RSPH3: variants seen among roughly 807,000 people sequenced by gnomAD.
RSPH3 encodes radial spoke head protein 3 homolog.
A neutral mutation model predicts 43.8 loss-of-function variants in RSPH3; 21 were observed. That is an observed-to-expected ratio of 0.48 (90% CI 0.34 to 0.69). The LOEUF (loss-of-function observed/expected upper bound fraction) is 0.69, where lower values mean the gene tolerates loss of function less well. Among genes scored for constraint, RSPH3 ranks in the 30% least tolerant of loss-of-function variants. The pLI is 0.01. For synonymous variants in RSPH3, 173 were observed against 179.8 expected (o/e 0.96, Z 0.30); for missense variants, 487 against 516.0 (o/e 0.94, Z 0.54).
At chr6:158,969,218 T>G (rs532128861), downstream of RSPH3, among the ~76,000 whole-genome samples, 2 of 152,320 alleles carry the variant, frequency 1.3e-5, no homozygotes, top group East Asian at 3.9e-4. Context: ...ACAAGTTCTC[T>G]CAGTTTTTGA....
chr6:158,990,759 C>T (rs1451296083), intron 2 of RSPH3, among the ~76,000 whole-genome samples: 1 of 151,952 alleles, frequency 6.6e-6, no homozygotes, highest in African/African-American at 2.4e-5. Flanking sequence ...GGCCTTTTGC[C>T]AAATTTGTGG....
At chr6:158,983,892 G>T in intron 3 of RSPH3, 85 bp from the exon 4 acceptor site, 2 of 946,596 alleles carry the variant, frequency 2.1e-6, no homozygotes, top group Non-Finnish European at 3.3e-6. Context: ...CCAGCACTTT[G>T]GGAGGCCGAG....
chr6:158,970,487 A>G (rs1213645113), downstream of RSPH3, among the ~76,000 whole-genome samples: 1 of 152,048 alleles, frequency 6.6e-6, no homozygotes, highest in African/African-American at 2.4e-5. Context: ...TTTTCTGGGC[A>G]TGCATGCAGT....
chr6:158,973,022 G>A lies in RSPH3; in HGVS notation c.*4516C>T, dbSNP rs1212638338. 1 of 152,052 alleles carries A rather than the reference G, an allele frequency of 6.6e-6. No individual in the cohort carries two copies. The allele number at this position is 152,052 out of a possible 1,614,324, so 9.4% of individuals were successfully genotyped here. A position where few individuals can be genotyped will look rare whatever the true frequency, so the allele number is the denominator to read the frequency against. On this transcript the variant is annotated 3_prime_UTR_variant, in exon 8 of 8. Coordinates refer to ENST00000367069, the MANE Select transcript of RSPH3 (RefSeq NM_031924.8). The stretch of plus-strand genomic sequence containing the variant: ...CACCCCACTTATAACACTCTTTTTT[G>A]GGTCTCTGACTGTGAACAAGATTGT...
chr6:158,993,626 AACTCCCTCCCTG>A (rs1778491581), intron 2 of RSPH3, among the ~76,000 whole-genome samples: 1 of 151,986 alleles, frequency 6.6e-6, no homozygotes. Flanking sequence ...ATTAAACAAT[AACTCCCTCCCTG>A]GTCCCCTCAT....
At position 158,977,561 on chromosome 6, in the gene RSPH3, A is replaced by C; in HGVS notation, c.1234T>G (p.Leu412Val). The change falls in exon 8 of 8, where the codon TTA (leucine) becomes GTA (valine). Residue 412 changes from leucine (L) to valine (V), a missense_variant. Leu to Val is a conservative substitution (Grantham distance 32). Transcript: ENST00000367069. ...TCCTATGACAATTCTTCCTCCCCTA[A>C]GGACTTCCTCATTGCTGTTTCTTCA... ...QDEETAMRKS[L>V]GEEELS The C allele has an allele frequency of 6.2e-7, 1 of 1,612,368 alleles. No individual in the cohort carries two copies. The highest frequency in any genetic ancestry group is 2.2e-5 in the East Asian group (1 of 44,878).
rs1583700794 is a variant in RSPH3, at chr6:158,977,993, A to G, written c.947-145T>C. 5.9e-6 allele frequency: 4 copies of G among 678,176 alleles called. No homozygotes were observed. The East Asian group carries it at 1.1e-4, about 18-fold the overall frequency. The allele number at this position is 678,176 out of a possible 1,614,324, so 42.0% of individuals were successfully genotyped here. A position where few individuals can be genotyped will look rare whatever the true frequency, so the allele number is the denominator to read the frequency against. On this transcript the variant is annotated intron_variant, in intron 7 of 7. Transcript: ENST00000367069. ...GTCATAACCTTTTTTGGAAGTCAGC[A>G]TACTTCACACTTAATGCATTAAATA...
intron 3 of RSPH3, among the ~76,000 whole-genome samples, chr6:158,984,554 T>A (rs2128607354): frequency 6.8e-6 from 1 of 147,408 alleles, no homozygotes; most frequent in East Asian, 2.0e-4. Flanking sequence ...AGTCACCAGG[T>A]TATTTGATAT....
Position 158,977,810 on chromosome 6 carries a change from A to G in RSPH3, c.985T>C (p.Tyr329His). The G allele has an allele frequency of 1.2e-6, 2 of 1,613,908 alleles. No homozygotes were observed. Among genetic ancestry groups the G allele is most frequent in the African/African-American group, 2.7e-5 (2 of 75,056 alleles). ...TGATGTGTGTCTTCCCCATGCTCATACATACACAGCCTCTTTTCAACCACC... is the reference window on the plus strand; with the variant it reads ...TGATGTGTGTCTTCCCCATGCTCATGCATACACAGCCTCTTTTCAACCACC... Reference protein sequence around the residue: ...REVVEKRLCMYEHGEDTHQSP... With the variant: ...REVVEKRLCMHEHGEDTHQSP... The change falls in exon 8 of 8, where the codon TAT becomes CAT. Residue 329 changes from tyrosine (Y) to histidine (H), a missense_variant. By Grantham distance (83) the Tyr-to-His change is moderately conservative (BLOSUM62 2). Coordinates refer to ENST00000367069, the MANE Select transcript of RSPH3 (RefSeq NM_031924.8).
intron 6 of RSPH3, among the ~76,000 whole-genome samples, chr6:158,978,705 T>G (rs1349465082): frequency 6.6e-6 from 1 of 152,114 alleles, no homozygotes; most frequent in Non-Finnish European, 1.5e-5. Flanking sequence ...CACACCTGGC[T>G]AATTTTTGTA....
intron 2 of RSPH3, among the ~76,000 whole-genome samples, chr6:158,990,145 C>T (rs59203482): frequency 6.6e-6 from 1 of 152,130 alleles, no homozygotes; most frequent in South Asian, 2.1e-4. Flanking sequence ...ATTGTGGGAC[C>T]TCGTGATTGT....
intron 1 of RSPH3, among the ~76,000 whole-genome samples, chr6:158,998,817 C>A (rs909033913): frequency 1.3e-5 from 2 of 151,994 alleles, no homozygotes; most frequent in African/African-American, 4.8e-5. Flanking sequence ...TTGCAGTGAG[C>A]GGAGATCGCG....
In RSPH3 at chr6:158,992,457, G is replaced by GTTT. The variant is rs35383020; in HGVS notation, c.204+1379_204+1381dup. On this transcript the variant is annotated intron_variant, in intron 2 of 7. Coordinates refer to ENST00000367069, the MANE Select transcript of RSPH3 (RefSeq NM_031924.8). ...ACCATGCCCAGCTAATTTTTGTGGG[G>GTTT]TTTTTTTTTTTTTTTTTTGTAGAGA... Among the ~76,000 whole-genome samples, 17 of 127,896 alleles carry GTTT rather than the reference G, an allele frequency of 1.3e-4. 1 individual carries two copies. Among genetic ancestry groups the GTTT allele is most frequent in the African/African-American group, 3.5e-4 (12 of 34,542 alleles). 83.9% of individuals were successfully genotyped at this position (127,896 alleles called of 152,430 possible). A position where few individuals can be genotyped will look rare whatever the true frequency, so the allele number is the denominator to read the frequency against.
chr6:158,993,992 T>A, intron 1 of RSPH3, 66 bp from the exon 2 acceptor site: 2 of 808,006 alleles, frequency 2.5e-6, no homozygotes, highest in Non-Finnish European at 2.1e-6. Flanking sequence ...GTAACTCATT[T>A]TCAATAGGAT....
At chr6:158,997,597 T>C (rs1245967330) in intron 1 of RSPH3, among the ~76,000 whole-genome samples, 3 of 152,234 alleles carry the variant, frequency 2.0e-5, no homozygotes, top group African/African-American at 4.8e-5. Flanking sequence ...TTGAGATTTT[T>C]CTGTCTTGTG....
At chr6:158,978,546 T>G (rs1383516110) in intron 6 of RSPH3, among the ~76,000 whole-genome samples, 200 bp from the exon 7 acceptor site, 2 of 152,188 alleles carry the variant, frequency 1.3e-5, no homozygotes, top group African/African-American at 2.4e-5. Context: ...ATTTTTATTT[T>G]TTTATTTTTT....
rs1777836606 is a variant in RSPH3 at position 158,976,311 on chromosome 6, C to T, written c.*1227G>A. 1 of 152,176 alleles carries T rather than the reference C, an allele frequency of 6.6e-6. No individual in the cohort carries two copies. The highest frequency in any genetic ancestry group is 1.5e-5 in the Non-Finnish European group (1 of 68,030). 9.4% of individuals were successfully genotyped at this position (152,176 alleles called of 1,614,324 possible). A position where few individuals can be genotyped will look rare whatever the true frequency, so the allele number is the denominator to read the frequency against. The stretch of plus-strand genomic sequence containing the variant: ...AAAATAACTTGTGATTTTAATACTG[C>T]AGGTAAATTCTCTAACACATTCAGA... On this transcript the variant is annotated 3_prime_UTR_variant, in exon 8 of 8. Transcript: ENST00000367069.
rs1305080500 is a variant in RSPH3 at position 158,983,758 on chromosome 6, T to C, written c.396A>G (p.Glu132=). Residue 132 remains glutamate, a synonymous_variant, in exon 4 of 8, where the codon GAA becomes GAG. Coordinates refer to ENST00000367069, the MANE Select transcript of RSPH3 (RefSeq NM_031924.8). ...TGTCCAAAAATGCATCTGTTTGGCATTCCATATCAACTTCTATTATGCGAT... is the reference window on the plus strand; with the variant it reads ...TGTCCAAAAATGCATCTGTTTGGCACTCCATATCAACTTCTATTATGCGAT... The part of the protein sequence containing the change: ...IADRIIEVDM[E]CQTDAFLDRP... 6.2e-7 allele frequency: 1 copy of C among 1,606,076 alleles called. No individual in the cohort carries two copies. Among genetic ancestry groups the C allele is most frequent in the Non-Finnish European group, 8.5e-7 (1 of 1,172,718 alleles).
At chr6:158,999,286 AG>A (rs1373416566) in intron 1 of RSPH3, 148 bp downstream of exon 1, 8,232 of 659,618 alleles carry the variant, frequency 0.012, 100 homozygotes, top group Admixed American at 0.02. Context: ...ACACCACGGG[AG>A]ATTCCTTAGG....
Sources: allele counts gnomAD v4.1 joint callset (sites outside exome capture counted in the v4.1 genomes callset), GRCh38; gene constraint gnomAD v4.1.1; transcripts MANE v1.5; gene names NCBI Gene and HGNC (gene_info 2026-07-23, HGNC 2026-07-21).